The following FRMPD4 variants were observed in gnomAD, a reference collection of about 807,000 sequenced individuals.
FRMPD4 encodes FERM and PDZ domain containing 4, also known as FERM and PDZ domain-containing protein 4.
A neutral mutation model predicts 94.1 loss-of-function variants in FRMPD4; 22 were observed. The ratio of observed to expected loss-of-function variants is 0.23; its 90% confidence interval spans 0.17 to 0.33. The LOEUF (loss-of-function observed/expected upper bound fraction) is 0.33, where lower values mean the gene tolerates loss of function less well. FRMPD4 is among the 10% of genes least tolerant of loss of function. FRMPD4 has a pLI of 1.00. For synonymous variants in FRMPD4, 631 were observed against 548.6 expected (o/e 1.15, Z -2.10); for missense variants, 1,111 against 1,339.9 (o/e 0.83, Z 2.67).
rs774305384 is a variant in FRMPD4, at chrX:12,508,761, A to T, written c.158+9965A>T. Among the ~76,000 whole-genome samples, 6 of 110,782 alleles carry T rather than the reference A, an allele frequency of 5.4e-5. No homozygotes were observed. In the East Asian group the frequency reaches 1.7e-3, roughly 32 times the overall value. ...GTAATCCCAGCACTTTGGGAGGCCA[A>T]GGCGGGCAGATCATGAGGTCAGGGG... On this transcript the variant is annotated intron_variant, in intron 2 of 16. Coordinates refer to ENST00000675598, the MANE Select transcript of FRMPD4 (RefSeq NM_001368397.1).
chrX:11,946,891 ATT>A (rs774376833), intron 3 of FRMPD4, among the ~76,000 whole-genome samples: 1 of 112,205 alleles, frequency 8.9e-6, no homozygotes, highest in East Asian at 2.8e-4. Context: ...ATTCTCAGGC[ATT>A]TAGACTCAGA....
intron 5 of FRMPD4, among the ~76,000 whole-genome samples, chrX:12,679,144 C>G (rs1270011788): frequency 8.9e-6 from 1 of 112,215 alleles, no homozygotes; most frequent in Non-Finnish European, 1.9e-5. Context: ...ACCTGTGAGT[C>G]TTTGCCTGTG....
At chrX:12,365,898 C>G (rs756258890) in intron 1 of FRMPD4, among the ~76,000 whole-genome samples, 57 of 112,766 alleles carry the variant, frequency 5.1e-4, no homozygotes, top group African/African-American at 1.7e-3. Context: ...TTCCTGTGTT[C>G]TTTTATTTGT....
At chrX:12,418,004 A>C (rs2056829583) in intron 1 of FRMPD4, among the ~76,000 whole-genome samples, 1 of 108,674 alleles carries the variant, frequency 9.2e-6, no homozygotes, top group Non-Finnish European at 1.9e-5. Context: ...AAAAAAAAAA[A>C]AAAAAAAACA....
rs185838511 is a variant in FRMPD4, at chrX:12,720,082, G to A, written c.3965-452G>A. ...AGAAAGAAAGAAAGAAAGAAAGAAA[G>A]AGAAAGAAAGAAAGGAGGAAGAAAG... On this transcript the variant is annotated intron_variant, in intron 16 of 16. Coordinates refer to ENST00000675598, the MANE Select transcript of FRMPD4 (RefSeq NM_001368397.1). Among the ~76,000 whole-genome samples the A allele has an allele frequency of 3.1e-3, 294 of 95,029 alleles. 3 individuals carry two copies. Among genetic ancestry groups the A allele is most frequent in the African/African-American group, 0.012 (279 of 24,156 alleles). The allele number at this position is 95,029 out of a possible 115,157, so 82.5% of individuals were successfully genotyped here.
chrX:11,862,370 G>T (rs1348755861), intron 1 of FRMPD4, among the ~76,000 whole-genome samples: 1 of 111,448 alleles, frequency 9.0e-6, no homozygotes, highest in Non-Finnish European at 1.9e-5. Context: ...CTAATGTAAA[G>T]TGGCAAAAAA....
At chrX:12,243,956 C>A (rs1601733340) in intron 1 of FRMPD4, among the ~76,000 whole-genome samples, 1 of 107,212 alleles carries the variant, frequency 9.3e-6, no homozygotes, top group East Asian at 2.9e-4. Context: ...CCATGTTGCC[C>A]AGCTAATTTT....
intron 3 of FRMPD4, among the ~76,000 whole-genome samples, chrX:12,054,584 G>T (rs1290329332): frequency 9.0e-6 from 1 of 111,161 alleles, no homozygotes; most frequent in East Asian, 2.8e-4. Context: ...TTAAGCCTTT[G>T]CCTCTTCTCT....
At chrX:11,972,010 G>A (rs1176525338) in intron 3 of FRMPD4, among the ~76,000 whole-genome samples, 1 of 111,371 alleles carries the variant, frequency 9.0e-6, no homozygotes, top group Non-Finnish European at 1.9e-5. Flanking sequence ...GGAGTCCCTG[G>A]TCATCAACAT....
chrX:12,233,863 T>G (rs1423980889), intron 1 of FRMPD4, among the ~76,000 whole-genome samples: 1 of 111,854 alleles, frequency 8.9e-6, no homozygotes, highest in East Asian at 2.8e-4. Flanking sequence ...CCCAGGGATC[T>G]TACAATAGTC....
chrX:12,358,532 C>G (rs1381367454), intron 1 of FRMPD4, among the ~76,000 whole-genome samples: 1 of 111,540 alleles, frequency 9.0e-6, no homozygotes, highest in African/African-American at 3.3e-5. Flanking sequence ...AGCTTTGTGA[C>G]TTGCCATTTA....
chrX:11,966,062 A>G (rs1473709277), intron 3 of FRMPD4, among the ~76,000 whole-genome samples: 3 of 112,311 alleles, frequency 2.7e-5, no homozygotes, highest in African/African-American at 9.7e-5. Context: ...GAGGCTTAAA[A>G]TAGAGTGAAA....
At chrX:11,827,005 G>T (rs941731833) in intron 1 of FRMPD4, among the ~76,000 whole-genome samples, 1 of 102,680 alleles carries the variant, frequency 9.7e-6, no homozygotes, top group Admixed American at 1.1e-4. Flanking sequence ...TGAATTTCTG[G>T]GGCATGCTGA....
chrX:11,924,942 A>G lies in FRMPD4; in HGVS notation c.95+46924A>G, dbSNP rs1227795144. On this transcript the variant is annotated intron_variant, in intron 3 of 18. Coordinates refer to the FRMPD4 transcript ENST00000640291. ...TGTTAATGGGCTAAATGTCCCAATT[A>G]AAAGACACAGAGTGGCAAGCTGAAT... 4.5e-5 allele frequency among the ~76,000 whole-genome samples: 5 copies of G among 111,849 alleles called. No homozygotes were observed. In the East Asian group the frequency reaches 1.4e-3, roughly 31 times the overall value.
chrX:12,677,240 G>T (rs1446882865), intron 5 of FRMPD4, among the ~76,000 whole-genome samples: 3 of 110,763 alleles, frequency 2.7e-5, no homozygotes, highest in African/African-American at 9.9e-5. Context: ...TCCCTTGGGA[G>T]CAAAATTACT....
intron 3 of FRMPD4, among the ~76,000 whole-genome samples, chrX:12,024,231 T>C (rs745569895): frequency 9.7e-4 from 109 of 112,218 alleles, no homozygotes; most frequent in African/African-American, 3.5e-3. Context: ...ACATTTATGA[T>C]ACGTGCATAT....
intron 2 of FRMPD4, among the ~76,000 whole-genome samples, chrX:12,523,187 C>A (rs750696712): frequency 8.9e-6 from 1 of 112,205 alleles, no homozygotes; most frequent in African/African-American, 3.2e-5. Flanking sequence ...CATAAGATAT[C>A]CTGCTGCCTG....
intron 4 of FRMPD4, among the ~76,000 whole-genome samples, chrX:12,630,685 T>C (rs1439443670): frequency 1.8e-5 from 2 of 111,684 alleles, no homozygotes; most frequent in Admixed American, 1.9e-4. Context: ...CCCCCCAGGG[T>C]GGCTTGCACT....
intron 3 of FRMPD4, among the ~76,000 whole-genome samples, chrX:12,106,058 G>C (rs138796204): frequency 3.9e-3 from 430 of 111,355 alleles, no homozygotes; most frequent in African/African-American, 0.013. Context: ...CTTTTCCTTG[G>C]GCATGTCCAG....
Sources: allele counts gnomAD v4.1 joint callset (sites outside exome capture counted in the v4.1 genomes callset), GRCh38; gene constraint gnomAD v4.1.1; transcripts MANE v1.5; gene names NCBI Gene and HGNC (gene_info 2026-07-23, HGNC 2026-07-21).